Variants in RNF217 observed in about 807,000 individuals in gnomAD.
RNF217 encodes the protein ring finger protein 217, also known as E3 ubiquitin-protein ligase RNF217.
In RNF217, 31 loss-of-function variants were observed where a neutral mutation model predicts 57.8. That is an observed-to-expected ratio of 0.54 (90% confidence interval 0.40 to 0.72). The LOEUF is 0.72. RNF217 is among the 30% of genes least tolerant of loss of function. The pLI, the probability that RNF217 is intolerant of heterozygous loss-of-function variation, is 0.00. For synonymous variants in RNF217, 313 were observed against 294.0 expected (o/e 1.06, Z -0.66); for missense variants, 696 against 708.3 (o/e 0.98, Z 0.20).
At chr6:125,046,537 G>C in intron 2 of RNF217, 1 of 454,980 alleles carries the variant, frequency 2.2e-6, no homozygotes, top group African/African-American at 2.0e-5. Context: ...CCACAGTAGA[G>C]AATCTTTGCA....
At chr6:125,041,142 A>T (rs1455527684) in intron 1 of RNF217, among the ~76,000 whole-genome samples, 1 of 152,140 alleles carries the variant, frequency 6.6e-6, no homozygotes, top group African/African-American at 2.4e-5. Flanking sequence ...ATTAATATAT[A>T]TTGATCTGTA....
chr6:125,023,276 CAAAT>C (rs1187901697), intron 1 of RNF217, among the ~76,000 whole-genome samples: 1 of 152,080 alleles, frequency 6.6e-6, no homozygotes, highest in African/African-American at 2.4e-5. Context: ...GAGGCAAAAT[CAAAT>C]ATGATTGAGG....
At chr6:125,081,909 G>A (rs1788589866) in intron 5 of RNF217, among the ~76,000 whole-genome samples, 1 of 152,022 alleles carries the variant, frequency 6.6e-6, no homozygotes, top group Admixed American at 6.6e-5. Context: ...GATGCCATAG[G>A]TACAAACAGA....
chr6:125,064,987 C>A (rs1311100505), intron 3 of RNF217, among the ~76,000 whole-genome samples: 1 of 151,914 alleles, frequency 6.6e-6, no homozygotes, highest in South Asian at 2.1e-4. Context: ...CTGAAAAATT[C>A]ATTGTATATT....
chr6:125,059,065 C>T (rs1200904361), intron 3 of RNF217, among the ~76,000 whole-genome samples: 1 of 151,846 alleles, frequency 6.6e-6, no homozygotes, highest in East Asian at 1.9e-4. Flanking sequence ...ATATTCTAAG[C>T]CTATAAATGA....
At chr6:124,997,730 T>G (rs149685318) in intron 1 of RNF217, among the ~76,000 whole-genome samples, 9 of 152,320 alleles carry the variant, frequency 5.9e-5, no homozygotes, top group African/African-American at 2.2e-4. Context: ...CTGCTCGCTC[T>G]CTCTACAGCC....
intron 2 of RNF217, among the ~76,000 whole-genome samples, chr6:125,050,369 A>G (rs1787263129): frequency 6.6e-6 from 1 of 151,892 alleles, no homozygotes; most frequent in East Asian, 1.9e-4. Context: ...GGCACTTTTG[A>G]TGCATCTTTC....
intron 2 of RNF217, among the ~76,000 whole-genome samples, chr6:125,057,214 C>T (rs749991888): frequency 4.6e-5 from 7 of 152,260 alleles, no homozygotes; most frequent in Non-Finnish European, 8.8e-5. Context: ...CTCTCTCTGT[C>T]GCCCATGCTG....
At chr6:124,995,758 C>G (rs1784724032) in intron 1 of RNF217, among the ~76,000 whole-genome samples, 1 of 151,996 alleles carries the variant, frequency 6.6e-6, no homozygotes, top group Non-Finnish European at 1.5e-5. Flanking sequence ...CCCATCTCTA[C>G]TAAAATTACA....
At chr6:125,045,564 T>A in intron 2 of RNF217, 120 bp downstream of exon 2, 1 of 675,104 alleles carries the variant, frequency 1.5e-6, no homozygotes, top group East Asian at 2.7e-5. Flanking sequence ...GGTGAGCATA[T>A]ATTGGCCATC....
intron 1 of RNF217, among the ~76,000 whole-genome samples, chr6:125,007,474 C>T (rs1203845505): frequency 6.6e-6 from 1 of 151,780 alleles, no homozygotes; most frequent in Non-Finnish European, 1.5e-5. Context: ...CTCAAACTCC[C>T]GACCTCAGGT....
At chr6:124,975,902 A>G (rs1783937559) in intron 1 of RNF217, among the ~76,000 whole-genome samples, 1 of 151,874 alleles carries the variant, frequency 6.6e-6, no homozygotes, top group Admixed American at 6.6e-5. Flanking sequence ...TCCTGTTATC[A>G]TTTTTCCACC....
At chr6:125,069,031 AAAG>A (rs1395246934) in intron 3 of RNF217, among the ~76,000 whole-genome samples, 6 of 152,148 alleles carry the variant, frequency 3.9e-5, no homozygotes, top group Non-Finnish European at 8.8e-5. Flanking sequence ...GTGGTGTGGT[AAAG>A]AAGAAGGAAG....
chr6:125,003,117 C>G (rs1785051027), intron 1 of RNF217, among the ~76,000 whole-genome samples: 1 of 152,164 alleles, frequency 6.6e-6, no homozygotes, highest in Non-Finnish European at 1.5e-5. Context: ...CACAAACACA[C>G]ACACACACAC....
chr6:124,992,654 G>A (rs1179360149), intron 1 of RNF217, among the ~76,000 whole-genome samples: 1 of 151,914 alleles, frequency 6.6e-6, no homozygotes, highest in Non-Finnish European at 1.5e-5. Flanking sequence ...TGGAAAGTAT[G>A]GTACTATCTT....
chr6:125,089,475 C>T lies in RNF217; in HGVS notation c.*6538C>T, dbSNP rs1788870615. The stretch of plus-strand genomic sequence containing the variant: ...TAAGATTCAATTATGGATTCATGCT[C>T]TGTGAACATTGTTAGATTTTTAATA... On this transcript the variant is annotated 3_prime_UTR_variant, in exon 6 of 6. Coordinates refer to ENST00000521654, the MANE Select transcript of RNF217 (RefSeq NM_001286398.3). 6.6e-6 allele frequency: 1 copy of T among 152,158 alleles called. No individual in the cohort carries two copies. Among genetic ancestry groups the T allele is most frequent in the South Asian group, 2.1e-4 (1 of 4,830 alleles). 9.4% of individuals were successfully genotyped at this position (152,158 alleles called of 1,614,324 possible). A position where few individuals can be genotyped will look rare whatever the true frequency, so the allele number is the denominator to read the frequency against.
At chr6:124,996,616 G>A (rs1035918667) in intron 1 of RNF217, 9 of 152,084 alleles carry the variant, frequency 5.9e-5, no homozygotes, top group African/African-American at 1.9e-4. Context: ...TCATAATGAG[G>A]GGAAGAGTCA....
At chr6:124,975,799 A>G (rs908982941) in intron 1 of RNF217, among the ~76,000 whole-genome samples, 1 of 152,174 alleles carries the variant, frequency 6.6e-6, no homozygotes, top group African/African-American at 2.4e-5. Flanking sequence ...CTTGCCAGAG[A>G]TGCTCTTGGT....
In RNF217 at chr6:125,036,899, ATATTATT is replaced by A. The variant is rs564017044; in HGVS notation, c.883-8298_883-8292del. ...ATTTATTATTTATTATATTTATTAT[ATATTATT>A]TATTATTTATTATAAAGCAGGAAAT... On this transcript the variant is annotated intron_variant, in intron 1 of 5. Transcript: ENST00000521654. 8.9e-4 allele frequency among the ~76,000 whole-genome samples: 132 copies of A among 148,346 alleles called. 1 individual carries two copies. Among genetic ancestry groups the A allele is most frequent in the African/African-American group, 2.8e-3 (115 of 40,922 alleles).
Sources: allele counts gnomAD v4.1 joint callset (sites outside exome capture counted in the v4.1 genomes callset), GRCh38; gene constraint gnomAD v4.1.1; transcripts MANE v1.5; gene names NCBI Gene and HGNC (gene_info 2026-07-23, HGNC 2026-07-21).